PHF20: variants seen among roughly 807,000 people sequenced by gnomAD.
PHF20 encodes glioma-expressed antigen 2.
PHF20 carries 23 observed loss-of-function variants against 113.5 expected under a neutral mutation model. The observed-to-expected ratio is 0.20, with a 90% CI of 0.15 to 0.29. The LOEUF is 0.29. Among genes scored for constraint, PHF20 ranks in the 10% least tolerant of loss-of-function variants. The pLI, the probability that PHF20 is intolerant of heterozygous loss-of-function variation, is 1.00. For missense variants in PHF20, 943 were observed against 1,219.6 expected, an observed-to-expected ratio of 0.77 and a Z score of 3.38; for synonymous variants, 434 against 457.3, an observed-to-expected ratio of 0.95 and a Z score of 0.65.
chr20:35,919,151 G>A (rs1326206003), intron 13 of PHF20, among the ~76,000 whole-genome samples: 1 of 151,770 alleles, frequency 6.6e-6, no homozygotes, highest in Non-Finnish European at 1.5e-5. Flanking sequence ...CGAGTAGCTG[G>A]GATTACAGGC....
At chr20:35,888,273 G>A (rs1048165374) in intron 9 of PHF20, among the ~76,000 whole-genome samples, 2 of 152,074 alleles carry the variant, frequency 1.3e-5, no homozygotes, top group Non-Finnish European at 2.9e-5. Context: ...GAGCCACCAC[G>A]CCTGGCCTAG....
chr20:35,880,117 C>G (rs550444813), intron 9 of PHF20, among the ~76,000 whole-genome samples: 2 of 152,302 alleles, frequency 1.3e-5, no homozygotes, highest in East Asian at 3.9e-4. Context: ...TGAGTGGGCA[C>G]TCTTGGACTT....
chr20:35,789,177 A>T (rs2041486177), intron 1 of PHF20, among the ~76,000 whole-genome samples: 1 of 151,922 alleles, frequency 6.6e-6, no homozygotes, highest in African/African-American at 2.4e-5. Context: ...GCACTTTGGG[A>T]GGCTTAGTGA....
chr20:35,872,896 T>C (rs1374874519), intron 9 of PHF20, among the ~76,000 whole-genome samples: 5 of 152,216 alleles, frequency 3.3e-5, no homozygotes, highest in Admixed American at 1.3e-4. Flanking sequence ...TCTGTATCTG[T>C]CAGTTAGATC....
At chr20:35,838,136 C>G (rs1287769309) in intron 2 of PHF20, among the ~76,000 whole-genome samples, 1 of 152,130 alleles carries the variant, frequency 6.6e-6, no homozygotes, top group Non-Finnish European at 1.5e-5. Context: ...CCTAGGAGTT[C>G]ACACTTGATT....
At chr20:35,865,068 T>C (rs1306648696) in intron 6 of PHF20, among the ~76,000 whole-genome samples, 5 of 152,002 alleles carry the variant, frequency 3.3e-5, no homozygotes, top group Non-Finnish European at 5.9e-5. Flanking sequence ...GGTGGGTGCC[T>C]GTAATCCCAG....
intron 9 of PHF20, among the ~76,000 whole-genome samples, chr20:35,887,095 G>A (rs928685534): frequency 2.6e-5 from 4 of 152,030 alleles, no homozygotes; most frequent in African/African-American, 4.8e-5. Flanking sequence ...ATATTAAATA[G>A]GATATTTATT....
rs768494154 is a variant in PHF20, at chr20:35,938,997, G to A, written c.2601G>A (p.Ala867=). 17 of 1,614,108 alleles carry A rather than the reference G, an allele frequency of 1.1e-5. No individual in the cohort carries two copies. Among genetic ancestry groups the A allele is most frequent in the Middle Eastern group, 1.6e-4 (1 of 6,062 alleles). ...CGAGGGGCTCTGCCCTCGACGATGC[G>A]GTCAACCCCCTCCATGAGAACGGCG... is the stretch of plus-strand genomic sequence containing the variant. ...VETRGSALDD[A]VNPLHENGDD... The change falls in exon 16 of 18, where the codon GCG becomes GCA. Residue 867 remains alanine (A), a synonymous_variant. Transcript: ENST00000374012.
chr20:35,776,427 C>T (rs1327403005), intron 1 of PHF20, among the ~76,000 whole-genome samples: 1 of 152,188 alleles, frequency 6.6e-6, no homozygotes, highest in East Asian at 1.9e-4. Context: ...AGATGATATT[C>T]TTTGATGGTG....
intron 17 of PHF20, 31 bp downstream of exon 17, chr20:35,941,078 T>C (rs536501439): frequency 6.3e-7 from 1 of 1,589,688 alleles, no homozygotes; most frequent in Non-Finnish European, 8.6e-7. Flanking sequence ...CCCTGTGCAT[T>C]GGCATGCAGT....
At chr20:35,897,509 C>T (rs184906193) in intron 9 of PHF20, among the ~76,000 whole-genome samples, 1 of 151,010 alleles carries the variant, frequency 6.6e-6, no homozygotes, top group East Asian at 1.9e-4. Flanking sequence ...AATTATAGTT[C>T]CCCCATAGTG....
intron 10 of PHF20, among the ~76,000 whole-genome samples, chr20:35,909,941 C>T (rs182556829): frequency 1.4e-4 from 21 of 152,140 alleles, no homozygotes; most frequent in Admixed American, 5.9e-4. Flanking sequence ...TTCAGTTTCC[C>T]GGCCTGTAAA....
At position 35,940,914 on chromosome 20, in the gene PHF20, G is replaced by A; in HGVS notation, c.2763G>A (p.Arg921=). The change falls in exon 17 of 18, where the codon CGG becomes CGA. Residue 921 remains arginine, a synonymous_variant. Coordinates refer to ENST00000374012, the MANE Select transcript of PHF20 (RefSeq NM_016436.5). ...CCCTACCAGAAGAAGCCCCTGCTCG[G>A]AAGCTGCTGGACAGAGGTGGAGAGG... The part of the protein sequence containing the change: ...KKALPEEAPA[R]KLLDRGGEGL... The A allele has an allele frequency of 1.2e-6, 2 of 1,614,158 alleles. No homozygotes were observed. The highest frequency in any genetic ancestry group is 1.7e-6 in the Non-Finnish European group (2 of 1,180,002).
At chr20:35,802,312 C>T (rs753422185) in intron 2 of PHF20, among the ~76,000 whole-genome samples, 3 of 151,124 alleles carry the variant, frequency 2.0e-5, no homozygotes, top group African/African-American at 4.9e-5. Flanking sequence ...TCAAGGTGAG[C>T]GTGGGGTTTT....
Position 35,949,646 on chromosome 20 carries a change from T to C in PHF20, c.*2019T>C, listed in dbSNP as rs895830588. 6.5e-6 allele frequency: 1 copy of C among 152,676 alleles called. No homozygotes were observed. The highest frequency in any genetic ancestry group is 1.9e-4 in the East Asian group (1 of 5,204). The allele number at this position is 152,676 out of a possible 1,614,324, so 9.5% of individuals were successfully genotyped here. A position where few individuals can be genotyped will look rare whatever the true frequency, so the allele number is the denominator to read the frequency against. On this transcript the variant is annotated 3_prime_UTR_variant, in exon 18 of 18. Coordinates refer to ENST00000374012, the MANE Select transcript of PHF20 (RefSeq NM_016436.5). Reference sequence around the variant, plus strand: ...TTATAACCTCATTGTGCTTCCCTAATTTAAAGCCATGTTGAGGGGCTCCAT... The same window carrying C: ...TTATAACCTCATTGTGCTTCCCTAACTTAAAGCCATGTTGAGGGGCTCCAT...
chr20:35,895,728 C>T (rs1388658456), intron 9 of PHF20, among the ~76,000 whole-genome samples: 2 of 143,478 alleles, frequency 1.4e-5, no homozygotes, highest in Non-Finnish European at 3.0e-5. Flanking sequence ...CTCTTATTGC[C>T]CAAGCCAGAA....
chr20:35,891,139 G>T (rs574235722), intron 9 of PHF20, among the ~76,000 whole-genome samples: 223 of 152,246 alleles, frequency 1.5e-3, no homozygotes, highest in Admixed American at 4.3e-3. Context: ...CACTTTGGGA[G>T]GCCAAGGTGG....
chr20:35,936,557 G>C (rs2055868888), intron 15 of PHF20, among the ~76,000 whole-genome samples: 1 of 152,190 alleles, frequency 6.6e-6, no homozygotes, highest in East Asian at 1.9e-4. Context: ...CCCTAAAAAG[G>C]ATAAGAATCC....
intron 1 of PHF20, chr20:35,775,138 A>C (rs942168994): frequency 6.6e-6 from 1 of 151,958 alleles, no homozygotes. Flanking sequence ...AGTATTCTAC[A>C]CCAGTGCTTC....
Sources: allele counts gnomAD v4.1 joint callset (sites outside exome capture counted in the v4.1 genomes callset), GRCh38; gene constraint gnomAD v4.1.1; transcripts MANE v1.5; gene names NCBI Gene and HGNC (gene_info 2026-07-23, HGNC 2026-07-21).